TDRKH: variants seen among roughly 807,000 people sequenced by gnomAD.
TDRKH encodes the protein tudor and KH domain containing, also known as tudor and KH domain-containing protein.
TDRKH carries 28 observed loss-of-function variants against 61.3 expected under a neutral mutation model. The ratio of observed to expected loss-of-function variants is 0.46; its 90% CI spans 0.34 to 0.63. The LOEUF is 0.63. Among genes scored for constraint, TDRKH ranks in the 20% least tolerant of loss-of-function variants. The pLI is 0.01. For missense variants in TDRKH, 540 were observed against 683.4 expected, an observed-to-expected ratio of 0.79 and a Z score of 2.34; for synonymous variants, 219 against 244.4, an observed-to-expected ratio of 0.90 and a Z score of 0.97.
At chr1:151,779,073 A>C (rs368069406) in intron 5 of TDRKH, 30 bp downstream of exon 5, 31 of 1,613,026 alleles carry the variant, frequency 1.9e-5, no homozygotes, top group Middle Eastern at 3.3e-4. Context: ...TCTCATGCTC[A>C]GGTATAATTC....
downstream of TDRKH, among the ~76,000 whole-genome samples, chr1:151,769,130 G>A (rs1411569625): frequency 6.6e-6 from 1 of 151,592 alleles, no homozygotes; most frequent in Non-Finnish European, 1.5e-5. Context: ...TTTTCTATTC[G>A]ACAAAACCGC....
In TDRKH at chr1:151,774,766, T is replaced by A; in HGVS notation, c.1577A>T (p.Glu526Val). 6.2e-7 allele frequency: 1 copy of A among 1,614,208 alleles called. No homozygotes were observed. The highest frequency in any genetic ancestry group is 1.1e-5 in the South Asian group (1 of 91,082). The change falls in exon 12 of 13, where the codon GAG becomes GTG. Residue 526 changes from glutamate to valine, a missense_variant. Physicochemically the swap from Glu to Val is moderately radical, Grantham distance 121 (BLOSUM62 -2). This residue lies in a region of TDRKH where 379 missense variants were observed against 443.8 expected (regional missense o/e 0.85). Transcript: ENST00000368824. Reference sequence around the variant, plus strand: ...TATCTCTCCAGAGCTCTTTTTGGTCTCAGTGAGCAACGTGCTGAGAGAGGC... The same window carrying A: ...TATCTCTCCAGAGCTCTTTTTGGTCACAGTGAGCAACGTGCTGAGAGAGGC... ...TDASLSTLLT[E>V]TKKSSGEITH... is the part of the protein sequence containing the mutation.
At chr1:151,778,605 G>A (rs1996729) in intron 6 of TDRKH, 80 bp downstream of exon 6, 758,270 of 1,595,262 alleles carry the variant, frequency 0.48, 186,122 homozygotes, top group Non-Finnish European at 0.52. Context: ...AGACTGAGAA[G>A]GCATTCCTTC....
At chr1:151,769,958 G>A, downstream of TDRKH, 1 of 670,786 alleles carries the variant, frequency 1.5e-6, no homozygotes, top group South Asian at 1.7e-5. Context: ...TGCAATCCCA[G>A]GCACTCAGCA....
At chr1:151,768,227 G>T (rs757467800), downstream of TDRKH, 1 of 1,610,366 alleles carries the variant, frequency 6.2e-7, no homozygotes, top group Non-Finnish European at 8.5e-7. Flanking sequence ...CAAGGCAACC[G>T]GGAAAGGTGA....
At chr1:151,770,733 C>T (rs1648655425), downstream of TDRKH, among the ~76,000 whole-genome samples, 3 of 152,222 alleles carry the variant, frequency 2.0e-5, no homozygotes, top group Admixed American at 6.5e-5. Context: ...TATTTCAGAG[C>T]TTACTATGTC....
Position 151,780,406 on chromosome 1 carries a change from TC to T in TDRKH, c.232-267del, listed in dbSNP as rs1200126635. On this transcript the variant is annotated intron_variant, in intron 3 of 12. Transcript: ENST00000368824. ...AACCCATTTATCTTTGTGTTTAGAATCCTTTCCCCTTACTAATTTTATTTGG... is the reference window on the plus strand; with the variant it reads ...AACCCATTTATCTTTGTGTTTAGAATCTTTCCCCTTACTAATTTTATTTGG... 2.0e-5 allele frequency among the ~76,000 whole-genome samples: 3 copies of T among 152,218 alleles called. No individual in the cohort carries two copies. The East Asian group carries it at 5.8e-4, about 29-fold the overall frequency.
At chr1:151,782,809 A>G (rs1481700369) in intron 2 of TDRKH, 90 bp downstream of exon 2, 16 of 1,449,194 alleles carry the variant, frequency 1.1e-5, no homozygotes, top group Non-Finnish European at 1.5e-5. Context: ...AAACACACAC[A>G]ATACCTGGCA....
chr1:151,775,973 C>T (rs186987347), intron 8 of TDRKH, 89 bp from the exon 9 acceptor site: 15 of 1,571,596 alleles, frequency 9.5e-6, no homozygotes, highest in East Asian at 9.0e-5. Flanking sequence ...TAACATGAGA[C>T]GATAACCATC....
At chr1:151,768,437 T>C (rs1335586909), downstream of TDRKH, among the ~76,000 whole-genome samples, 2 of 152,224 alleles carry the variant, frequency 1.3e-5, no homozygotes, top group Non-Finnish European at 2.9e-5. Flanking sequence ...CCAGAAATAG[T>C]TGAATAACGG....
intron 1 of TDRKH, 188 bp from the exon 2 acceptor site, chr1:151,783,237 G>A: frequency 2.7e-6 from 1 of 370,362 alleles, no homozygotes. Context: ...AGTTAGCTAA[G>A]GTACACATAG....
chr1:151,771,451 C>A, downstream of TDRKH: 1 of 1,074,624 alleles, frequency 9.3e-7, no homozygotes, highest in Non-Finnish European at 1.2e-6. Context: ...AGGAAAGTAC[C>A]TAAGGATTTT....
chr1:151,779,322 A>C (rs1230535828), intron 4 of TDRKH, 80 bp from the exon 5 acceptor site: 3 of 1,520,736 alleles, frequency 2.0e-6, no homozygotes, highest in African/African-American at 2.8e-5. Context: ...TTTTGTATAT[A>C]CTAGGAGAAG....
At chr1:151,782,194 G>A (rs1649881609) in intron 2 of TDRKH, among the ~76,000 whole-genome samples, 1 of 152,234 alleles carries the variant, frequency 6.6e-6, no homozygotes, top group African/African-American at 2.4e-5. Context: ...CAGGTGCAGT[G>A]GCTCATGCCT....
chr1:151,767,429 C>A, downstream of TDRKH: 1 of 1,474,196 alleles, frequency 6.8e-7, no homozygotes, highest in South Asian at 1.4e-5. Flanking sequence ...TGTGTAAAAG[C>A]TACTTGCTAT....
intron 3 of TDRKH, 49 bp from the exon 4 acceptor site, chr1:151,780,189 T>C: frequency 1.3e-6 from 2 of 1,584,270 alleles, no homozygotes; most frequent in East Asian, 2.3e-5. Context: ...AGCTCCCATT[T>C]GAGCCCAGCT....
At chr1:151,779,860 G>T in intron 4 of TDRKH, 91 bp downstream of exon 4, 1 of 1,359,016 alleles carries the variant, frequency 7.4e-7, no homozygotes, top group East Asian at 2.3e-5. Flanking sequence ...ATGGTGAAGG[G>T]GAACTAGGCC....
downstream of TDRKH, chr1:151,771,325 C>A: frequency 2.6e-6 from 4 of 1,520,650 alleles, no homozygotes; most frequent in East Asian, 2.4e-5. Flanking sequence ...AAGGGTAGTG[C>A]AATCATCAAG....
intron 2 of TDRKH, 196 bp downstream of exon 2, chr1:151,782,703 G>A (rs1649946386): frequency 4.7e-6 from 2 of 429,504 alleles, no homozygotes; most frequent in South Asian, 9.4e-5. Flanking sequence ...CCAGGAGGTC[G>A]ACACTACAGT....
Sources: gnomAD v4.1 joint callset for allele counts (sites outside exome capture counted in the v4.1 genomes callset) on GRCh38, gnomAD v4.1.1 for gene constraint, gnomAD v4.1.1 regional missense constraint, MANE v1.5 for transcripts, NCBI Gene and HGNC (gene_info 2026-07-23, HGNC 2026-07-21) for gene names.